The following NAALADL2 variants were observed in gnomAD, a reference collection of about 807,000 sequenced individuals.
NAALADL2 encodes the protein inactive N-acetylated-alpha-linked acidic dipeptidase-like protein 2.
Under a neutral mutation model 87.2 loss-of-function variants are expected in NAALADL2, and 76 were observed. The ratio of observed to expected loss-of-function variants is 0.87; its 90% CI spans 0.72 to 1.05. The LOEUF (loss-of-function observed/expected upper bound fraction) is 1.05, where lower values mean the gene tolerates loss of function less well. Among genes scored for constraint, NAALADL2 ranks in the 50% least tolerant of loss-of-function variants. The pLI is 0.00. For missense variants in NAALADL2, 1,089 were observed against 945.8 expected (o/e 1.15, Z -1.99); for synonymous variants, 354 against 331.0 (o/e 1.07, Z -0.75).
intron 1 of NAALADL2, among the ~76,000 whole-genome samples, chr3:174,967,533 T>G (rs1274199218): frequency 6.6e-6 from 1 of 152,186 alleles, no homozygotes; most frequent in African/African-American, 2.4e-5. Context: ...CCTTGACCAA[T>G]GCTATTTCAG....
intron 2 of NAALADL2, among the ~76,000 whole-genome samples, chr3:175,131,819 G>C (rs1264388871): frequency 7.1e-6 from 1 of 140,416 alleles, no homozygotes; most frequent in Non-Finnish European, 1.6e-5. Context: ...CCGGGCGGGG[G>C]GCTGACCCCC....
intron 1 of NAALADL2, among the ~76,000 whole-genome samples, chr3:174,870,321 G>A (rs1341558216): frequency 2.0e-5 from 3 of 152,070 alleles, no homozygotes; most frequent in East Asian, 3.9e-4. Flanking sequence ...GAACACCCAT[G>A]CTCCACTGCC....
At chr3:175,083,215 A>T (rs1369600610) in intron 1 of NAALADL2, among the ~76,000 whole-genome samples, 3 of 152,150 alleles carry the variant, frequency 2.0e-5, no homozygotes, top group African/African-American at 7.2e-5. Context: ...GTTCCCCCGG[A>T]AACAACCTTC....
chr3:174,737,493 A>G, intron 2 of NAALADL2: 1 of 152,248 alleles, frequency 6.6e-6, no homozygotes, highest in East Asian at 1.9e-4. Flanking sequence ...TTGACTTCCA[A>G]AAGAAGTGAA....
chr3:174,806,984 T>C (rs1719584779), intron 3 of NAALADL2, among the ~76,000 whole-genome samples: 2 of 152,130 alleles, frequency 1.3e-5, no homozygotes, highest in Non-Finnish European at 1.5e-5. Context: ...TGATTAGGTG[T>C]CTTGATACAG....
chr3:175,120,729 G>T (rs1357484221), intron 2 of NAALADL2, among the ~76,000 whole-genome samples: 1 of 151,772 alleles, frequency 6.6e-6, no homozygotes, highest in Non-Finnish European at 1.5e-5. Flanking sequence ...CACCTGTGCT[G>T]TATTGTTTTA....
intron 11 of NAALADL2, among the ~76,000 whole-genome samples, chr3:175,699,465 A>G (rs961561283): frequency 3.9e-5 from 6 of 152,020 alleles, no homozygotes; most frequent in Non-Finnish European, 7.4e-5. Context: ...GGAGGAATAT[A>G]GGACATTAAC....
chr3:175,041,038 C>T (rs931937642), intron 1 of NAALADL2, among the ~76,000 whole-genome samples: 2 of 152,062 alleles, frequency 1.3e-5, no homozygotes, highest in Admixed American at 6.5e-5. Context: ...TTATTCGTGC[C>T]ATAACCTTAT....
At chr3:175,573,421 C>G (rs9849857) in intron 9 of NAALADL2, among the ~76,000 whole-genome samples, 5,861 of 152,234 alleles carry the variant, frequency 0.038, 239 homozygotes, top group African/African-American at 0.1. Context: ...AATGGTGCAA[C>G]AATCTCGATT....
At chr3:174,636,729 TTATG>T (rs1297256192) in intron 2 of NAALADL2, among the ~76,000 whole-genome samples, 2 of 152,176 alleles carry the variant, frequency 1.3e-5, no homozygotes, top group Admixed American at 6.5e-5. Flanking sequence ...AGTACAGCCA[TTATG>T]GCAAACAATA....
chr3:175,551,962 C>G (rs1360671856), intron 9 of NAALADL2, among the ~76,000 whole-genome samples: 1 of 150,644 alleles, frequency 6.6e-6, no homozygotes, highest in Non-Finnish European at 1.5e-5. Flanking sequence ...CTAGGTTATC[C>G]CCTAGTATAT....
At chr3:175,632,423 A>G (rs972283906) in intron 11 of NAALADL2, among the ~76,000 whole-genome samples, 8 of 152,054 alleles carry the variant, frequency 5.3e-5, no homozygotes, top group African/African-American at 1.7e-4. Context: ...CTGTCACCAG[A>G]GAGGTGACAT....
chr3:175,233,900 TAAAAAAG>T, intron 2 of NAALADL2, 24 bp from the exon 3 acceptor site: 2 of 1,340,782 alleles, frequency 1.5e-6, no homozygotes, highest in Admixed American at 4.0e-5. Flanking sequence ...TTCTCCTTTT[TAAAAAAG>T]TTTTCTTTTC....
Position 174,587,600 on chromosome 3 carries a change from C to G in NAALADL2, c.-115+36963C>G, listed in dbSNP as rs143108714. Among the ~76,000 whole-genome samples the G allele has an allele frequency of 7.4e-3, 1,131 of 152,180 alleles. 13 individuals are homozygous for G. Among genetic ancestry groups the G allele is most frequent in the African/African-American group, 0.026 (1,062 of 41,524 alleles). ...TGACAAAATCTCTCAGCATTTGCTT[C>G]TCTGTAAAGGATTTTATTTCTCCTT... On this transcript the variant is annotated intron_variant, in intron 2 of 3. Transcript: ENST00000434257.
chr3:175,404,066 A>G (rs1711847242), intron 5 of NAALADL2, among the ~76,000 whole-genome samples: 1 of 152,252 alleles, frequency 6.6e-6, no homozygotes, highest in Non-Finnish European at 1.5e-5. Context: ...CATAGATGGC[A>G]TATATTAAAA....
intron 9 of NAALADL2, among the ~76,000 whole-genome samples, chr3:175,474,126 G>GT (rs1725297522): frequency 6.6e-6 from 1 of 151,856 alleles, no homozygotes; most frequent in Non-Finnish European, 1.5e-5. Flanking sequence ...TCTCATTGTG[G>GT]TTTTTTTATT....
intron 10 of NAALADL2, among the ~76,000 whole-genome samples, chr3:175,608,260 G>T (rs1411247289): frequency 6.7e-6 from 1 of 148,594 alleles, no homozygotes; most frequent in Non-Finnish European, 1.5e-5. Flanking sequence ...TTTTCAGATT[G>T]TGGACTATGG....
chr3:174,678,756 T>G (rs1212609193), intron 2 of NAALADL2, among the ~76,000 whole-genome samples: 1 of 152,164 alleles, frequency 6.6e-6, no homozygotes, highest in East Asian at 1.9e-4. Context: ...CATTGGTAGA[T>G]TGTATCGATT....
intron 1 of NAALADL2, among the ~76,000 whole-genome samples, chr3:175,025,592 T>C (rs1449042417): frequency 6.6e-6 from 1 of 152,174 alleles, no homozygotes; most frequent in East Asian, 1.9e-4. Flanking sequence ...TAACTGTTTA[T>C]TTCCAAACTT....
Sources: allele counts gnomAD v4.1 joint callset (sites outside exome capture counted in the v4.1 genomes callset), GRCh38; gene constraint gnomAD v4.1.1; transcripts MANE v1.5; gene names NCBI Gene and HGNC (gene_info 2026-07-23, HGNC 2026-07-21).